The following SORBS2 variants were observed in gnomAD, a reference collection of about 807,000 sequenced individuals.
SORBS2 encodes sorbin and SH3 domain-containing protein 2.
Under a neutral mutation model 97.7 loss-of-function variants are expected in SORBS2, and 46 were observed. The observed-to-expected ratio is 0.47, with a 90% CI of 0.37 to 0.60. The LOEUF is 0.60. Ranked by LOEUF, SORBS2 falls within the 20% of genes least tolerant of loss-of-function variation. SORBS2 has a pLI of 0.00. For missense variants in SORBS2, 1,316 were observed against 1,282.3 expected (o/e 1.03, Z -0.40); for synonymous variants, 476 against 473.4 (o/e 1.01, Z -0.07).
At chr4:185,741,404 G>GTTTTTTTTTTT (rs58376567) in intron 2 of SORBS2, among the ~76,000 whole-genome samples, 2 of 111,666 alleles carry the variant, frequency 1.8e-5, no homozygotes, top group South Asian at 3.1e-4. Flanking sequence ...TTTTTTTTTT[G>GTTTTTTTTTTT]TTTTTTTTTT....
At chr4:185,655,449 A>G (rs2097383069) in intron 1 of SORBS2, among the ~76,000 whole-genome samples, 1 of 152,188 alleles carries the variant, frequency 6.6e-6, no homozygotes. Context: ...ACAGCTATAC[A>G]TGGGGATGTA....
intron 2 of SORBS2, among the ~76,000 whole-genome samples, chr4:185,650,065 C>T (rs1390002695): frequency 1.3e-5 from 2 of 152,152 alleles, no homozygotes; most frequent in East Asian, 3.9e-4. Context: ...CTTTAAAAAC[C>T]CTGATTTACA....
intron 2 of SORBS2, among the ~76,000 whole-genome samples, chr4:185,741,283 C>G (rs1333348768): frequency 1.3e-5 from 2 of 151,330 alleles, no homozygotes. Flanking sequence ...GAGAGAATAA[C>G]AGAGGGACAT....
chr4:185,638,079 C>T (rs1215897690), intron 4 of SORBS2: 10 of 1,566,486 alleles, frequency 6.4e-6, no homozygotes, highest in Non-Finnish European at 7.9e-6. Flanking sequence ...CCTCACTTAC[C>T]GGGCGTCCAA....
chr4:185,952,892 C>A (rs988292110), intron 1 of SORBS2, among the ~76,000 whole-genome samples: 7 of 152,090 alleles, frequency 4.6e-5, no homozygotes, highest in Admixed American at 3.9e-4. Flanking sequence ...CACAGGTGGC[C>A]GAGAAAAAGA....
intron 1 of SORBS2, among the ~76,000 whole-genome samples, chr4:185,808,426 T>C (rs190071293): frequency 1.3e-5 from 2 of 152,172 alleles, no homozygotes; most frequent in Non-Finnish European, 2.9e-5. Flanking sequence ...AATAAAACTA[T>C]GGGTACATTC....
At chr4:185,719,559 C>T (rs2098495314) in intron 2 of SORBS2, among the ~76,000 whole-genome samples, 1 of 152,194 alleles carries the variant, frequency 6.6e-6, no homozygotes, top group South Asian at 2.1e-4. Context: ...GCTTCAAGAA[C>T]ATTTGTCTTG....
At chr4:185,678,084 T>A (rs1258706304) in intron 4 of SORBS2, among the ~76,000 whole-genome samples, 1 of 152,210 alleles carries the variant, frequency 6.6e-6, no homozygotes, top group Non-Finnish European at 1.5e-5. Flanking sequence ...AGTTGCATAC[T>A]CATAGTTATT....
At chr4:185,636,097 G>A (rs1355727338) in intron 4 of SORBS2, among the ~76,000 whole-genome samples, 1 of 152,124 alleles carries the variant, frequency 6.6e-6, no homozygotes, top group African/African-American at 2.4e-5. Context: ...GACCTCAAGT[G>A]TTCCGTCTGC....
intron 1 of SORBS2, among the ~76,000 whole-genome samples, chr4:185,818,318 T>C (rs1320590059): frequency 6.6e-6 from 1 of 151,960 alleles, no homozygotes; most frequent in East Asian, 2.0e-4. Context: ...GCCTCCCGAG[T>C]AGCTGGGATT....
chr4:185,762,581 G>A (rs2098903349), intron 2 of SORBS2, among the ~76,000 whole-genome samples: 1 of 152,082 alleles, frequency 6.6e-6, no homozygotes, highest in Admixed American at 6.5e-5. Context: ...TGTCACAGAA[G>A]GCAAAGGGGA....
chr4:185,677,171 C>T (rs1467553338), intron 4 of SORBS2: 7 of 1,551,548 alleles, frequency 4.5e-6, no homozygotes, highest in African/African-American at 1.4e-5. Context: ...GTGTCTCAGG[C>T]ACTGGATTAG....
At chr4:185,767,896 C>T (rs1034804239) in intron 2 of SORBS2, among the ~76,000 whole-genome samples, 16 of 152,312 alleles carry the variant, frequency 1.1e-4, no homozygotes, top group Admixed American at 3.3e-4. Context: ...TGCACCTTCC[C>T]AGGGGCTTTG....
chr4:185,768,474 T>C (rs1242763088), intron 2 of SORBS2, among the ~76,000 whole-genome samples: 1 of 152,014 alleles, frequency 6.6e-6, no homozygotes, highest in Non-Finnish European at 1.5e-5. Flanking sequence ...GGTGGATCAC[T>C]TGAGGTCTGG....
intron 1 of SORBS2, among the ~76,000 whole-genome samples, chr4:185,784,464 T>A (rs1322552266): frequency 6.6e-6 from 1 of 152,124 alleles, no homozygotes; most frequent in East Asian, 1.9e-4. Flanking sequence ...TGCTCCTCTT[T>A]TTGTAGACTG....
chr4:185,704,585 C>T (rs2098313822), intron 2 of SORBS2, among the ~76,000 whole-genome samples: 1 of 152,096 alleles, frequency 6.6e-6, no homozygotes, highest in Admixed American at 6.5e-5. Context: ...TCCCAAAGTG[C>T]TGGGATTACA....
intron 11 of SORBS2, among the ~76,000 whole-genome samples, chr4:185,613,699 C>T (rs1055715219): frequency 1.3e-5 from 2 of 150,552 alleles, no homozygotes; most frequent in Non-Finnish European, 3.0e-5. Flanking sequence ...AAAATTGCAC[C>T]GATTTTCTAG....
At chr4:185,658,949 G>A (rs1171016047), upstream of SORBS2, among the ~76,000 whole-genome samples, 1 of 151,960 alleles carries the variant, frequency 6.6e-6, no homozygotes, top group African/African-American at 2.4e-5. Context: ...CTCATGATCC[G>A]CCCGCCTCGG....
In SORBS2 at chr4:185,635,345, G is replaced by A. The variant is rs189673798; in HGVS notation, c.397-4747C>T. 2,350 of 1,596,166 alleles carry A rather than the reference G, an allele frequency of 1.5e-3. 3 individuals are homozygous for A. Among genetic ancestry groups the A allele is most frequent in the Non-Finnish European group, 1.8e-3 (2,138 of 1,164,002 alleles). ...AGATATCTGAAAAAGAGAGAATAAC[G>A]TGTTTTTACCTCATTGAAAACACCA... is the stretch of plus-strand genomic sequence containing the variant. On this transcript the variant is annotated intron_variant, in intron 4 of 14. Transcript: ENST00000418609.
Sources: gnomAD v4.1 joint callset for allele counts (sites outside exome capture counted in the v4.1 genomes callset) on GRCh38, gnomAD v4.1.1 for gene constraint, MANE v1.5 for transcripts, NCBI Gene and HGNC (gene_info 2026-07-23, HGNC 2026-07-21) for gene names.